KCNB2: variants seen among roughly 807,000 people sequenced by gnomAD.
The protein encoded by KCNB2 is potassium voltage-gated channel subfamily B member 2, also known as delayed rectifier potassium channel protein.
KCNB2 carries 15 observed loss-of-function variants against 61.5 expected under a neutral mutation model. The ratio of observed to expected loss-of-function variants is 0.24; its 90% CI spans 0.16 to 0.38. KCNB2 has a LOEUF of 0.38. Ranked by LOEUF, KCNB2 falls within the 10% of genes least tolerant of loss-of-function variation. The pLI is 1.00. For missense variants in KCNB2, 828 were observed against 1,125.2 expected (o/e 0.74, Z 3.78); for synonymous variants, 457 against 446.0 (o/e 1.02, Z -0.31).
intron 1 of KCNB2, among the ~76,000 whole-genome samples, chr8:72,554,546 C>T (rs532876176): frequency 6.6e-6 from 1 of 152,148 alleles, no homozygotes; most frequent in South Asian, 2.1e-4. Flanking sequence ...TTTTGGTGCT[C>T]TGCGGTAGCA....
intron 2 of KCNB2, among the ~76,000 whole-genome samples, chr8:72,757,883 A>T (rs2128996208): frequency 6.6e-6 from 1 of 152,322 alleles, no homozygotes; most frequent in East Asian, 1.9e-4. Flanking sequence ...GGAAGTCAAG[A>T]GTGGTCTTCA....
At chr8:72,548,265 G>A (rs376218634) in intron 1 of KCNB2, among the ~76,000 whole-genome samples, 1 of 152,120 alleles carries the variant, frequency 6.6e-6, no homozygotes, top group Admixed American at 6.5e-5. Flanking sequence ...TAATATCTCT[G>A]AGGTATGCTT....
intron 2 of KCNB2, among the ~76,000 whole-genome samples, chr8:72,868,113 G>A (rs904687672): frequency 8.2e-5 from 12 of 146,828 alleles, no homozygotes; most frequent in African/African-American, 2.3e-4. Context: ...ACTCCATTGC[G>A]CAGGCTAGAG....
At chr8:72,862,342 G>A (rs922154759) in intron 2 of KCNB2, among the ~76,000 whole-genome samples, 3 of 152,192 alleles carry the variant, frequency 2.0e-5, no homozygotes, top group Admixed American at 2.0e-4. Flanking sequence ...CAGATGTAAA[G>A]AGAAGTAAAA....
chr8:72,559,577 A>G (rs1806480945), intron 1 of KCNB2, among the ~76,000 whole-genome samples: 1 of 152,168 alleles, frequency 6.6e-6, no homozygotes, highest in Non-Finnish European at 1.5e-5. Flanking sequence ...GGAGGTTGTT[A>G]TCATCAAAAC....
chr8:72,712,806 C>A (rs1263609993), intron 2 of KCNB2, among the ~76,000 whole-genome samples: 1 of 152,122 alleles, frequency 6.6e-6, no homozygotes, highest in Admixed American at 6.5e-5. Flanking sequence ...GAGTGCTGGG[C>A]AGTGGGTTCA....
In KCNB2 at chr8:72,561,698, T is replaced by TAC. The variant is rs1364986274; in HGVS notation, c.-93-5943_-93-5942insCA. 1.1e-3 allele frequency among the ~76,000 whole-genome samples: 21 copies of TAC among 18,804 alleles called. 1 individual carries two copies. Among genetic ancestry groups the TAC allele is most frequent in the Non-Finnish European group, 1.5e-3 (19 of 13,070 alleles). The allele number at this position is 18,804 out of a possible 152,430, so 12.3% of individuals were successfully genotyped here. A position where few individuals can be genotyped will look rare whatever the true frequency, so the allele number is the denominator to read the frequency against. On this transcript the variant is annotated intron_variant, in intron 1 of 2. Transcript: ENST00000523207. The stretch of plus-strand genomic sequence containing the variant: ...ATTTCCAGGATCTTACTTTTATATA[T>TAC]ATATATATATATATATATATATATA...
chr8:72,824,442 G>T (rs779391860), intron 2 of KCNB2, among the ~76,000 whole-genome samples: 2 of 151,966 alleles, frequency 1.3e-5, no homozygotes, highest in African/African-American at 2.4e-5. Flanking sequence ...TCACTTCCCA[G>T]GCTTCCCTCA....
At position 72,685,374 on chromosome 8, in the gene KCNB2, T is replaced by C. The variant is rs145956654; in HGVS notation, c.579+117061T>C. On this transcript the variant is annotated intron_variant, in intron 2 of 2. Transcript: ENST00000523207. ...GACTTGGGCAGTGTTAATTAATTCATTAACAAATATTATTAAGTTCGTGCG... is the reference window on the plus strand; with the variant it reads ...GACTTGGGCAGTGTTAATTAATTCACTAACAAATATTATTAAGTTCGTGCG... 2.0e-3 allele frequency among the ~76,000 whole-genome samples: 297 copies of C among 152,272 alleles called. 3 individuals carry two copies. Among genetic ancestry groups the C allele is most frequent in the African/African-American group, 6.7e-3 (278 of 41,556 alleles).
chr8:72,894,883 C>T (rs751674164), intron 2 of KCNB2, among the ~76,000 whole-genome samples: 3 of 152,134 alleles, frequency 2.0e-5, no homozygotes, highest in Non-Finnish European at 4.4e-5. Flanking sequence ...AGATAGACCC[C>T]AGATGGAAGG....
chr8:72,928,681 G>GACACACACAC lies in KCNB2; in HGVS notation c.580-7230_580-7221dup, dbSNP rs10606839. On this transcript the variant is annotated intron_variant, in intron 2 of 2. Transcript: ENST00000523207. ...TTCAATTACATGGAACACACACACA[G>GACACACACAC]ACACACACACACACACACACACACA... Among the ~76,000 whole-genome samples, 234 of 143,834 alleles carry GACACACACAC rather than the reference G, an allele frequency of 1.6e-3. 2 individuals carry two copies. The highest frequency in any genetic ancestry group is 5.7e-3 in the African/African-American group (220 of 38,902). 94.4% of individuals were successfully genotyped at this position (143,834 alleles called of 152,430 possible). A position where few individuals can be genotyped will look rare whatever the true frequency, so the allele number is the denominator to read the frequency against.
chr8:72,561,702 T>C (rs1381995343), intron 1 of KCNB2, among the ~76,000 whole-genome samples: 6 of 20,054 alleles, frequency 3.0e-4, no homozygotes, highest in African/African-American at 1.1e-3. Context: ...TATATATATA[T>C]ATATATATAT....
chr8:72,824,325 A>C (rs922353853), intron 2 of KCNB2, among the ~76,000 whole-genome samples: 2 of 152,004 alleles, frequency 1.3e-5, no homozygotes, highest in Admixed American at 6.6e-5. Context: ...TCCTCAGCCC[A>C]GCAGGGGTTT....
At chr8:72,882,101 T>C (rs1317275756) in intron 2 of KCNB2, among the ~76,000 whole-genome samples, 7 of 152,126 alleles carry the variant, frequency 4.6e-5, no homozygotes, top group Non-Finnish European at 1.0e-4. Context: ...AAAAATGTAC[T>C]GAAGTGATCA....
intron 2 of KCNB2, among the ~76,000 whole-genome samples, chr8:72,934,432 G>A (rs1585986302): frequency 6.7e-6 from 1 of 148,588 alleles, no homozygotes; most frequent in East Asian, 2.0e-4. Context: ...AGACATAAGA[G>A]GAGAAAGGAG....
At chr8:72,824,140 T>A (rs1206055064) in intron 2 of KCNB2, among the ~76,000 whole-genome samples, 1 of 152,174 alleles carries the variant, frequency 6.6e-6, no homozygotes, top group Admixed American at 6.5e-5. Context: ...ATTCAAAGTA[T>A]TAGTCAAAAC....
intron 2 of KCNB2, among the ~76,000 whole-genome samples, chr8:72,722,640 G>A (rs1470263701): frequency 1.3e-5 from 2 of 152,168 alleles, no homozygotes. Flanking sequence ...GCTCACCTGG[G>A]ACAGTAAATG....
In KCNB2 at chr8:72,716,550, A is replaced by G. The variant is rs188065729; in HGVS notation, c.579+148237A>G. On this transcript the variant is annotated intron_variant, in intron 2 of 2. Transcript: ENST00000523207. ...CGTAATCCAGCCTATAAACAGAACC[A>G]AAGACAAAAACCACATGATTATCTC... Among the ~76,000 whole-genome samples the G allele has an allele frequency of 5.3e-5, 8 of 152,362 alleles. No homozygotes were observed. The East Asian group carries it at 1.5e-3, about 29-fold the overall frequency.
At chr8:72,744,809 G>T (rs1808029806) in intron 2 of KCNB2, among the ~76,000 whole-genome samples, 1 of 152,206 alleles carries the variant, frequency 6.6e-6, no homozygotes, top group Non-Finnish European at 1.5e-5. Context: ...GGCTAATGTG[G>T]CTGGAGCCTA....
Sources: allele counts gnomAD v4.1 joint callset (sites outside exome capture counted in the v4.1 genomes callset), GRCh38; gene constraint gnomAD v4.1.1; transcripts MANE v1.5; gene names NCBI Gene and HGNC (gene_info 2026-07-23, HGNC 2026-07-21).